The following GNAT3 variants were observed in gnomAD, a reference collection of about 807,000 sequenced individuals.
The protein encoded by GNAT3 is guanine nucleotide-binding protein G(t) subunit alpha-3.
A neutral mutation model predicts 37.7 loss-of-function variants in GNAT3; 31 were observed. That is an observed-to-expected ratio of 0.82 (90% confidence interval 0.62 to 1.11). The LOEUF (loss-of-function observed/expected upper bound fraction) is 1.11. Among genes scored for constraint, GNAT3 ranks in the 50% most tolerant of loss-of-function variants. The pLI is 0.00. For synonymous variants in GNAT3, 138 were observed against 139.8 expected, an observed-to-expected ratio of 0.99 and a Z score of 0.09; for missense variants, 437 against 412.5, an observed-to-expected ratio of 1.06 and a Z score of -0.51.
At chr7:80,487,124 C>A (rs562004322) in intron 3 of GNAT3, among the ~76,000 whole-genome samples, 3 of 152,022 alleles carry the variant, frequency 2.0e-5, no homozygotes, top group East Asian at 1.9e-4. Flanking sequence ...AATCTTTGAG[C>A]CTTGTTTTTT....
At chr7:80,464,122 G>A (rs1415516222) in intron 5 of GNAT3, among the ~76,000 whole-genome samples, 1 of 151,458 alleles carries the variant, frequency 6.6e-6, no homozygotes, top group Non-Finnish European at 1.5e-5. Flanking sequence ...TTTCAAAATA[G>A]ACTTTAGATA....
chr7:80,493,640 C>CTCCTCCTCCTCTTTCCTCCTCCTCCTCTT (rs1562730444), intron 2 of GNAT3, among the ~76,000 whole-genome samples: 2 of 99,098 alleles, frequency 2.0e-5, no homozygotes, highest in African/African-American at 1.3e-4. Context: ...CTCCTCTTTC[C>CTCCTCCTCCTCTTTCCTCCTCCTCCTCTT]TCCTCCTCCT....
intron 5 of GNAT3, among the ~76,000 whole-genome samples, chr7:80,466,111 T>C (rs1315251012): frequency 6.6e-6 from 1 of 152,106 alleles, no homozygotes; most frequent in African/African-American, 2.4e-5. Flanking sequence ...AAAAAACCCC[T>C]TTCCATTGCT....
chr7:80,485,335 G>T (rs1790460279), intron 3 of GNAT3, among the ~76,000 whole-genome samples: 1 of 151,918 alleles, frequency 6.6e-6, no homozygotes, highest in South Asian at 2.1e-4. Context: ...TCTAGACAAA[G>T]TGTCCATTTT....
At chr7:80,461,280 G>A (rs912647214) in intron 7 of GNAT3, among the ~76,000 whole-genome samples, 4 of 152,038 alleles carry the variant, frequency 2.6e-5, no homozygotes, top group African/African-American at 9.7e-5. Flanking sequence ...GGGTGCAATG[G>A]CTCACACCTG....
At chr7:80,510,139 C>A (rs775808192) in intron 1 of GNAT3, among the ~76,000 whole-genome samples, 1 of 152,084 alleles carries the variant, frequency 6.6e-6, no homozygotes, top group Non-Finnish European at 1.5e-5. Flanking sequence ...TTGTTCCCCC[C>A]AACCACCCTA....
intron 1 of GNAT3, among the ~76,000 whole-genome samples, chr7:80,502,972 AAC>A (rs1270787412): frequency 6.6e-6 from 1 of 152,176 alleles, no homozygotes; most frequent in Non-Finnish European, 1.5e-5. Context: ...GCACAATAGT[AAC>A]AGTTTCCTAA....
chr7:80,495,449 T>C (rs1437484768), intron 1 of GNAT3, among the ~76,000 whole-genome samples: 1 of 151,350 alleles, frequency 6.6e-6, no homozygotes, highest in East Asian at 1.9e-4. Context: ...GGTCTCTCAC[T>C]GTAGTTTTTT....
At chr7:80,511,715 G>T in intron 1 of GNAT3, 94 bp downstream of exon 1, 1 of 707,756 alleles carries the variant, frequency 1.4e-6, no homozygotes, top group South Asian at 1.8e-5. Context: ...TTTCCCATAT[G>T]ATAATACACT....
chr7:80,466,275 C>T (rs1315446673), intron 5 of GNAT3, among the ~76,000 whole-genome samples: 1 of 152,084 alleles, frequency 6.6e-6, no homozygotes, highest in Non-Finnish European at 1.5e-5. Context: ...GCAGAACTTG[C>T]ATTAGTCTTG....
chr7:80,462,736 A>T, intron 5 of GNAT3, 105 bp from the exon 6 acceptor site: 1 of 756,826 alleles, frequency 1.3e-6, no homozygotes, highest in Non-Finnish European at 2.0e-6. Context: ...TATCTTCAAA[A>T]GGTATTCTTT....
Position 80,471,841 on chromosome 7 carries a change from C to T in GNAT3, c.590+2410G>A, listed in dbSNP as rs117839237. Among the ~76,000 whole-genome samples the T allele has an allele frequency of 1.4e-3, 219 of 152,116 alleles. 3 individuals carry two copies. The East Asian group carries it at 0.038, about 26-fold the overall frequency. On this transcript the variant is annotated intron_variant, in intron 5 of 7. Coordinates refer to ENST00000398291, the MANE Select transcript of GNAT3 (RefSeq NM_001102386.3). ...CCAGTTTTTGAGGCTATCCAGTTAG[C>T]CTCAGGATAACCAAGATTGCTTATC...
intron 5 of GNAT3, among the ~76,000 whole-genome samples, chr7:80,462,981 A>G (rs1790076008): frequency 6.6e-6 from 1 of 152,146 alleles, no homozygotes; most frequent in Admixed American, 6.5e-5. Flanking sequence ...AAGAAACTGC[A>G]AGAAGATTGG....
At chr7:80,485,221 C>T (rs1790457077) in intron 3 of GNAT3, among the ~76,000 whole-genome samples, 1 of 151,360 alleles carries the variant, frequency 6.6e-6, no homozygotes, top group Non-Finnish European at 1.5e-5. Flanking sequence ...TAATACCCTT[C>T]CCTTCTTAAT....
chr7:80,497,629 CATATA>C (rs1790753599), intron 1 of GNAT3, among the ~76,000 whole-genome samples: 3 of 116,264 alleles, frequency 2.6e-5, no homozygotes, highest in African/African-American at 1.3e-4. Context: ...TACGTATATA[CATATA>C]CGTATATACA....
At chr7:80,500,070 A>G (rs1231520783) in intron 1 of GNAT3, among the ~76,000 whole-genome samples, 1 of 152,168 alleles carries the variant, frequency 6.6e-6, no homozygotes, top group African/African-American at 2.4e-5. Flanking sequence ...TACCCCATGT[A>G]AGAGCCAATG....
At chr7:80,472,037 GC>G (rs1381846974) in intron 5 of GNAT3, among the ~76,000 whole-genome samples, 1 of 151,860 alleles carries the variant, frequency 6.6e-6, no homozygotes, top group Non-Finnish European at 1.5e-5. Flanking sequence ...AATAGACATG[GC>G]CCCTAGCCTC....
intron 5 of GNAT3, among the ~76,000 whole-genome samples, chr7:80,463,663 C>T (rs568959995): frequency 6.6e-6 from 1 of 151,980 alleles, no homozygotes; most frequent in African/African-American, 2.4e-5. Flanking sequence ...ATAGCAGCCT[C>T]ATGAGGTCAG....
chr7:80,492,838 A>T (rs951990703), intron 2 of GNAT3, among the ~76,000 whole-genome samples: 18 of 151,656 alleles, frequency 1.2e-4, no homozygotes, highest in Admixed American at 9.9e-4. Context: ...GTAATTTTTT[A>T]AAATTATTGT....
Sources: gnomAD v4.1 joint callset for allele counts (sites outside exome capture counted in the v4.1 genomes callset) on GRCh38, gnomAD v4.1.1 for gene constraint, MANE v1.5 for transcripts, NCBI Gene and HGNC (gene_info 2026-07-23, HGNC 2026-07-21) for gene names.